The following XKR6 variants were observed in gnomAD, a reference collection of about 807,000 sequenced individuals.
XKR6 encodes XK-related protein 6.
A neutral mutation model predicts 56.7 loss-of-function variants in XKR6; 22 were observed. The observed-to-expected ratio is 0.39, with a 90% confidence interval of 0.28 to 0.55. The LOEUF (loss-of-function observed/expected upper bound fraction) is 0.55, where lower values mean the gene tolerates loss of function less well. Among genes scored for constraint, XKR6 ranks in the 20% least tolerant of loss-of-function variants. The pLI is 0.66. For synonymous variants in XKR6, 524 were observed against 387.8 expected, an observed-to-expected ratio of 1.35 and a Z score of -4.13; for missense variants, 852 against 889.0, an observed-to-expected ratio of 0.96 and a Z score of 0.53.
chr8:11,146,309 G>A (rs536034286), intron 1 of XKR6, among the ~76,000 whole-genome samples: 3 of 152,162 alleles, frequency 2.0e-5, no homozygotes, highest in Non-Finnish European at 4.4e-5. Context: ...TCTAAAATAT[G>A]ATACCAAAAA....
rs1799870573 is a variant in XKR6 at position 10,896,100 on chromosome 8, T to C, written c.*1852A>G. The C allele has an allele frequency of 6.8e-6, 1 of 148,078 alleles. No individual in the cohort carries two copies. The highest frequency in any genetic ancestry group is 1.5e-5 in the Non-Finnish European group (1 of 67,138). 9.2% of individuals were successfully genotyped at this position (148,078 alleles called of 1,614,324 possible). On this transcript the variant is annotated 3_prime_UTR_variant, in exon 3 of 3. Transcript: ENST00000416569. ...GTGTGTGTTTATATATATATATATA[T>C]ATATACTTATTATATATCTTTTTTG...
rs191426481 is a variant in XKR6 at position 11,093,985 on chromosome 8, C to T, written c.764+106591G>A. Among the ~76,000 whole-genome samples, 31 of 151,898 alleles carry T rather than the reference C, an allele frequency of 2.0e-4. 1 individual carries two copies. In the East Asian group the frequency reaches 6.0e-3, roughly 29 times the overall value. ...TTTTTAGTAGAGATGGGGGTTTCAC[C>T]GTGTTAGCCCGGATGGTCTCGATCT... On this transcript the variant is annotated intron_variant, in intron 1 of 2. Coordinates refer to ENST00000416569, the MANE Select transcript of XKR6 (RefSeq NM_173683.4).
At chr8:10,917,652 G>A (rs35746279) in intron 2 of XKR6, among the ~76,000 whole-genome samples, 11,959 of 152,156 alleles carry the variant, frequency 0.079, 1,597 homozygotes, top group African/African-American at 0.27. Context: ...ATGGCTCAGA[G>A]GATATCTGAG....
chr8:11,167,157 T>C (rs1802120972), intron 1 of XKR6, among the ~76,000 whole-genome samples: 1 of 152,020 alleles, frequency 6.6e-6, no homozygotes, highest in African/African-American at 2.4e-5. Context: ...ACCTAAACCA[T>C]CAAAAAACAA....
intron 1 of XKR6, among the ~76,000 whole-genome samples, chr8:10,937,794 C>G (rs558137032): frequency 1.3e-5 from 2 of 151,652 alleles, no homozygotes; most frequent in East Asian, 3.9e-4. Flanking sequence ...AGAACCACTG[C>G]TCTCTTCAAA....
chr8:11,123,736 C>T (rs1311326646), intron 1 of XKR6: 3 of 400,838 alleles, frequency 7.5e-6, no homozygotes, highest in Admixed American at 2.8e-5. Flanking sequence ...ATCCAATATG[C>T]ACCCCTACCC....
intron 1 of XKR6, among the ~76,000 whole-genome samples, chr8:10,942,051 G>T (rs1024310496): frequency 6.6e-6 from 1 of 152,182 alleles, no homozygotes; most frequent in Non-Finnish European, 1.5e-5. Context: ...CCCTCTGAGG[G>T]ATTTTTACTC....
intron 1 of XKR6, among the ~76,000 whole-genome samples, chr8:11,007,397 C>A (rs138513299): frequency 6.6e-6 from 1 of 152,206 alleles, no homozygotes; most frequent in Non-Finnish European, 1.5e-5. Flanking sequence ...AAGCTTCTGT[C>A]GCTCAGCAGC....
intron 1 of XKR6, among the ~76,000 whole-genome samples, chr8:11,185,023 G>C (rs1803197156): frequency 6.6e-6 from 1 of 152,090 alleles, no homozygotes; most frequent in African/African-American, 2.4e-5. Context: ...TTTTCTCTCT[G>C]GGTACCTGGG....
intron 1 of XKR6, among the ~76,000 whole-genome samples, chr8:11,187,180 A>G (rs11777355): frequency 0.3 from 46,144 of 152,116 alleles, 7,681 homozygotes; most frequent in Non-Finnish European, 0.37. Context: ...TCAAATACCA[A>G]TGCTGCATCA....
intron 1 of XKR6, among the ~76,000 whole-genome samples, chr8:11,088,856 G>C (rs1010682882): frequency 5.9e-5 from 9 of 152,212 alleles, no homozygotes; most frequent in African/African-American, 2.2e-4. Flanking sequence ...TCAATTCCAT[G>C]TTAGAGGTAT....
intron 1 of XKR6, among the ~76,000 whole-genome samples, chr8:11,064,113 C>T (rs776894520): frequency 7.9e-5 from 12 of 152,230 alleles, no homozygotes; most frequent in Middle Eastern, 3.4e-3. Context: ...TGCTTTCCTG[C>T]GTCCTACAGT....
At chr8:11,037,734 T>C (rs930004259) in intron 1 of XKR6, among the ~76,000 whole-genome samples, 1 of 152,124 alleles carries the variant, frequency 6.6e-6, no homozygotes, top group African/African-American at 2.4e-5. Flanking sequence ...GGCGTGCGCC[T>C]GTAATCCCAG....
intron 1 of XKR6, among the ~76,000 whole-genome samples, chr8:11,043,777 C>T (rs931983812): frequency 2.2e-4 from 33 of 152,240 alleles, no homozygotes; most frequent in African/African-American, 7.7e-4. Flanking sequence ...ATTATACATA[C>T]TCCCGTTTTC....
intron 1 of XKR6, among the ~76,000 whole-genome samples, chr8:11,155,115 T>C (rs1291973593): frequency 1.3e-5 from 2 of 152,246 alleles, no homozygotes; most frequent in African/African-American, 4.8e-5. Flanking sequence ...GCTTCACCAG[T>C]CTTGATACTG....
intron 1 of XKR6, among the ~76,000 whole-genome samples, chr8:11,003,378 C>A (rs1798290505): frequency 6.6e-6 from 1 of 152,154 alleles, no homozygotes; most frequent in African/African-American, 2.4e-5. Flanking sequence ...ATCGTCATTA[C>A]ATCACTAACA....
intron 1 of XKR6, chr8:11,106,505 GATGTCCAGTGGAGAC>G: frequency 6.6e-6 from 1 of 152,426 alleles, no homozygotes; most frequent in African/African-American, 2.4e-5. Flanking sequence ...GCATGAAGCA[GATGTCCAGTGGAGAC>G]AACTGTCATC....
chr8:10,911,370 TAGAC>T (rs1420176644), intron 2 of XKR6, among the ~76,000 whole-genome samples: 18 of 143,886 alleles, frequency 1.3e-4, no homozygotes, highest in Non-Finnish European at 2.6e-4. Flanking sequence ...TATATATATA[TAGAC>T]AGAGAGGGAG....
chr8:11,125,656 T>C (rs558986831), intron 1 of XKR6: 8 of 152,312 alleles, frequency 5.3e-5, no homozygotes, highest in African/African-American at 1.9e-4. Context: ...TCCCTGTTCC[T>C]TAATTGCAGT....
Sources: allele counts gnomAD v4.1 joint callset (sites outside exome capture counted in the v4.1 genomes callset), GRCh38; gene constraint gnomAD v4.1.1; transcripts MANE v1.5; gene names NCBI Gene and HGNC (gene_info 2026-07-23, HGNC 2026-07-21).